CPEB3: variants seen among roughly 807,000 people sequenced by gnomAD.
The protein encoded by CPEB3 is cytoplasmic polyadenylation element-binding protein 3.
CPEB3 carries 20 observed loss-of-function variants against 67.2 expected under a neutral mutation model. The ratio of observed to expected loss-of-function variants is 0.30; its 90% CI spans 0.21 to 0.43. The LOEUF is 0.43. Among genes scored for constraint, CPEB3 ranks in the 20% least tolerant of loss-of-function variants. The pLI, the probability that CPEB3 is intolerant of heterozygous loss-of-function variation, is 1.00. For missense variants in CPEB3, 746 were observed against 968.6 expected (o/e 0.77, Z 3.05); for synonymous variants, 376 against 393.1 (o/e 0.96, Z 0.51).
rs143904856 is a variant in CPEB3 at position 92,242,232 on chromosome 10, C to T, written c.-11-1871G>A. Among the ~76,000 whole-genome samples the T allele has an allele frequency of 5.3e-4, 81 of 152,270 alleles. No homozygotes were observed. The East Asian group carries it at 0.015, about 28-fold the overall frequency. On this transcript the variant is annotated intron_variant, in intron 1 of 9. Transcript: ENST00000265997. ...GCTCTCCCTTCTATTCCTCATTCCCCTGCCTTTCCTCCCTTCAACCCCCCC... is the reference window on the plus strand; with the variant it reads ...GCTCTCCCTTCTATTCCTCATTCCCTTGCCTTTCCTCCCTTCAACCCCCCC...
chr10:92,210,068 C>A (rs1850003872), intron 2 of CPEB3, among the ~76,000 whole-genome samples: 1 of 151,550 alleles, frequency 6.6e-6, no homozygotes. Context: ...AATTATATAC[C>A]CAAAATAATC....
At chr10:92,284,187 C>T (rs1313259524) in intron 1 of CPEB3, among the ~76,000 whole-genome samples, 1 of 151,954 alleles carries the variant, frequency 6.6e-6, no homozygotes, top group Non-Finnish European at 1.5e-5. Flanking sequence ...TACAGGCACA[C>T]ACCACCACAC....
chr10:92,113,682 G>C (rs1211058603), intron 6 of CPEB3, among the ~76,000 whole-genome samples: 2 of 152,098 alleles, frequency 1.3e-5, no homozygotes, highest in Non-Finnish European at 2.9e-5. Context: ...TCACATCACT[G>C]CCCACCCTCT....
intron 4 of CPEB3, among the ~76,000 whole-genome samples, chr10:92,171,830 G>A (rs559843054): frequency 2.6e-5 from 4 of 152,212 alleles, no homozygotes; most frequent in Admixed American, 1.3e-4. Flanking sequence ...GGCCAGGCTG[G>A]TCTTGAACTC....
At chr10:92,122,550 C>A (rs1845437382) in intron 6 of CPEB3, among the ~76,000 whole-genome samples, 1 of 152,200 alleles carries the variant, frequency 6.6e-6, no homozygotes, top group Non-Finnish European at 1.5e-5. Context: ...CAGGGGACTA[C>A]TATCATGAGC....
chr10:92,218,139 T>C (rs1850522316), intron 2 of CPEB3, among the ~76,000 whole-genome samples: 1 of 151,992 alleles, frequency 6.6e-6, no homozygotes, highest in Admixed American at 6.6e-5. Context: ...CCGGGCACAG[T>C]GGCTCACACC....
At chr10:92,266,890 C>T (rs1336570770) in intron 1 of CPEB3, among the ~76,000 whole-genome samples, 1 of 151,898 alleles carries the variant, frequency 6.6e-6, no homozygotes, top group Non-Finnish European at 1.5e-5. Flanking sequence ...AAAAATTAGC[C>T]GGGCGTGGTG....
chr10:92,157,537 C>T (rs1018335839), intron 4 of CPEB3, among the ~76,000 whole-genome samples: 3 of 152,036 alleles, frequency 2.0e-5, no homozygotes, highest in African/African-American at 7.2e-5. Context: ...AGCAAAAGAA[C>T]ACAAAAATTA....
chr10:92,057,186 T>A (rs1842144476), intron 9 of CPEB3, among the ~76,000 whole-genome samples: 1 of 152,104 alleles, frequency 6.6e-6, no homozygotes, highest in Non-Finnish European at 1.5e-5. Flanking sequence ...AGGACTTGAC[T>A]CTTGAATGGC....
intron 6 of CPEB3, among the ~76,000 whole-genome samples, chr10:92,130,018 C>G (rs1845773531): frequency 6.6e-6 from 1 of 152,078 alleles, no homozygotes; most frequent in Admixed American, 6.6e-5. Context: ...GCCTGGGTGA[C>G]AGAGTGTGGC....
intron 9 of CPEB3, among the ~76,000 whole-genome samples, chr10:92,059,022 T>C (rs1264285049): frequency 6.6e-6 from 1 of 152,050 alleles, no homozygotes; most frequent in African/African-American, 2.4e-5. Flanking sequence ...CAAAAGGAAT[T>C]TTGGAAACTA....
At chr10:92,087,166 T>C (rs1214405349) in intron 8 of CPEB3, among the ~76,000 whole-genome samples, 3 of 152,186 alleles carry the variant, frequency 2.0e-5, no homozygotes, top group Non-Finnish European at 4.4e-5. Flanking sequence ...CTGAAATAAA[T>C]GATCTTAGAA....
intron 1 of CPEB3, among the ~76,000 whole-genome samples, chr10:92,282,711 A>G (rs549438639): frequency 3.1e-4 from 47 of 152,110 alleles, no homozygotes; most frequent in Middle Eastern, 3.4e-3. Context: ...AAAAAACATA[A>G]TACCGTAGAT....
rs1480160990 is a variant in CPEB3 at position 92,239,295 on chromosome 10, C to T, written c.1005+51G>A. 6.4e-7 allele frequency: 1 copy of T among 1,559,414 alleles called. No individual in the cohort carries two copies. The highest frequency in any genetic ancestry group is 2.3e-5 in the East Asian group (1 of 43,194). On this transcript the variant is annotated intron_variant, in intron 2 of 9. Transcript: ENST00000265997. The surrounding 1 kb of genome is among the most constrained non-coding windows in gnomAD (Gnocchi z 6.0). The stretch of plus-strand genomic sequence containing the variant: ...GGATGATTAAAAGTCAGAGAAGTGG[C>T]AAAAGGAGCGGGGCAGAGGGAAGGA...
chr10:92,220,527 G>A (rs143100084), intron 2 of CPEB3, among the ~76,000 whole-genome samples: 79 of 117,520 alleles, frequency 6.7e-4, no homozygotes, highest in African/African-American at 2.4e-3. Flanking sequence ...CCTTTTAAAT[G>A]AGCACTATGG....
chr10:92,098,395 G>GC lies in CPEB3; in HGVS notation c.1573-6452dup, dbSNP rs1843997245. Among the ~76,000 whole-genome samples, 4 of 151,610 alleles carry GC rather than the reference G, an allele frequency of 2.6e-5. No individual in the cohort carries two copies. In the South Asian group the frequency reaches 6.2e-4, roughly 24 times the overall value. On this transcript the variant is annotated intron_variant, in intron 7 of 9. Transcript: ENST00000265997. Reference sequence around the variant, plus strand: ...ACGATCTTGGCTCACCACAACCTCTGCCTCCCAGGTTCAAGAGATTCTCCT... The same window carrying GC: ...ACGATCTTGGCTCACCACAACCTCTGCCCTCCCAGGTTCAAGAGATTCTCCT...
chr10:92,134,372 A>G (rs1394289293), intron 6 of CPEB3, among the ~76,000 whole-genome samples: 3 of 151,954 alleles, frequency 2.0e-5, no homozygotes, highest in Non-Finnish European at 4.4e-5. Flanking sequence ...ATATACCAAT[A>G]TCAGACAAAC....
At chr10:92,073,038 C>CT (rs546510647) in intron 9 of CPEB3, among the ~76,000 whole-genome samples, 945 of 61,280 alleles carry the variant, frequency 0.015, 90 homozygotes, top group African/African-American at 0.043. Context: ...GAATCTCTGT[C>CT]TTTTTTTTTT....
At position 92,049,492 on chromosome 10, in the gene CPEB3, T is replaced by A. The variant is rs1289751804; in HGVS notation, c.*2720A>T. ...TTTATTTACAAAACAAAAGGGAACA[T>A]GTTATAATTTAATAAACTAAAAAAG... is the stretch of plus-strand genomic sequence containing the variant. On this transcript the variant is annotated 3_prime_UTR_variant, in exon 10 of 10. Transcript: ENST00000265997. 1.3e-5 allele frequency: 2 copies of A among 152,682 alleles called. No homozygotes were observed. The highest frequency in any genetic ancestry group is 3.9e-4 in the East Asian group (2 of 5,190). 9.5% of individuals were successfully genotyped at this position (152,682 alleles called of 1,614,324 possible).
Sources: gnomAD v4.1 joint callset for allele counts (sites outside exome capture counted in the v4.1 genomes callset) on GRCh38, gnomAD v4.1.1 for gene constraint, Gnocchi (gnomAD v3.1) non-coding constraint, MANE v1.5 for transcripts, NCBI Gene and HGNC (gene_info 2026-07-23, HGNC 2026-07-21) for gene names.